The following TGIF1 variants were observed in gnomAD, a reference collection of about 807,000 sequenced individuals.
TGIF1 encodes the protein homeobox protein TGIF1.
In TGIF1, 4 loss-of-function variants were observed where a neutral mutation model predicts 19.3. That is an observed-to-expected ratio of 0.21 (90% CI 0.10 to 0.47). TGIF1 has a LOEUF of 0.47. Among genes scored for constraint, TGIF1 ranks in the 20% least tolerant of loss-of-function variants. The pLI, the probability that TGIF1 is intolerant of heterozygous loss-of-function variation, is 0.98. For missense variants in TGIF1, 275 were observed against 341.4 expected, an observed-to-expected ratio of 0.81 and a Z score of 1.53; for synonymous variants, 122 against 129.3, an observed-to-expected ratio of 0.94 and a Z score of 0.38.
chr18:3,413,166 C>T (rs2082291764), intron 1 of TGIF1: 1 of 152,208 alleles, frequency 6.6e-6, no homozygotes, highest in Non-Finnish European at 1.5e-5. Flanking sequence ...AAGAAATGCT[C>T]ATTGTCTCGC....
chr18:3,443,670 A>C (rs572483075), intron 2 of TGIF1, among the ~76,000 whole-genome samples: 1 of 151,712 alleles, frequency 6.6e-6, no homozygotes, highest in Admixed American at 6.6e-5. Context: ...CCCAGGTTCA[A>C]GTGAATTCTC....
intron 2 of TGIF1, among the ~76,000 whole-genome samples, chr18:3,438,080 G>A (rs191650409): frequency 3.0e-4 from 46 of 151,038 alleles, no homozygotes; most frequent in South Asian, 1.3e-3. Context: ...GCGAAAGTCC[G>A]TCTCAAAAAA....
At chr18:3,443,637 C>T (rs191092298) in intron 2 of TGIF1, among the ~76,000 whole-genome samples, 9 of 152,092 alleles carry the variant, frequency 5.9e-5, no homozygotes, top group Non-Finnish European at 1.0e-4. Context: ...AGTGCAATGG[C>T]GCAATCTCGG....
intron 2 of TGIF1, among the ~76,000 whole-genome samples, chr18:3,419,974 C>T (rs960779421): frequency 2.0e-5 from 3 of 151,294 alleles, no homozygotes; most frequent in African/African-American, 7.3e-5. Context: ...CCATTGCACT[C>T]CAACCTGGGT....
chr18:3,449,666 T>A (rs1241878889), upstream of TGIF1: 2 of 985,272 alleles, frequency 2.0e-6, no homozygotes, highest in Non-Finnish European at 2.4e-6. Flanking sequence ...AGTTGGTTCT[T>A]GTCTCGAATA....
chr18:3,456,255 G>A lies in TGIF1; in HGVS notation c.17-99G>A, dbSNP rs1598910329. 3.5e-6 allele frequency: 4 copies of A among 1,156,012 alleles called. No individual in the cohort carries two copies. The South Asian group carries it at 4.9e-5, about 14-fold the overall frequency. 71.6% of individuals were successfully genotyped at this position (1,156,012 alleles called of 1,614,324 possible). Reference sequence around the variant, plus strand: ...CTCCTTCTCCTCGCTCTCAGTTGTTGGGAAAGCATGGTTACATTGAATGGT... The same window carrying A: ...CTCCTTCTCCTCGCTCTCAGTTGTTAGGAAAGCATGGTTACATTGAATGGT... On this transcript the variant is annotated intron_variant, in intron 1 of 2. Coordinates refer to ENST00000343820, the MANE Select transcript of TGIF1 (RefSeq NM_003244.4). The surrounding 1 kb of genome is among the most constrained non-coding windows in gnomAD (Gnocchi z 4.2).
intron 1 of TGIF1, among the ~76,000 whole-genome samples, chr18:3,454,966 T>C (rs1474730764): frequency 6.6e-6 from 1 of 152,312 alleles, no homozygotes; most frequent in East Asian, 1.9e-4. Flanking sequence ...GGTGTTTAGC[T>C]TAAGAGGAAT....
chr18:3,427,195 CG>C (rs1232595519), intron 2 of TGIF1, among the ~76,000 whole-genome samples: 1 of 152,132 alleles, frequency 6.6e-6, no homozygotes, highest in Non-Finnish European at 1.5e-5. Context: ...CCACCCGCCT[CG>C]GCCTCTCAAA....
chr18:3,448,881 G>A (rs903863007), upstream of TGIF1, among the ~76,000 whole-genome samples: 6 of 151,970 alleles, frequency 3.9e-5, no homozygotes, highest in African/African-American at 1.5e-4. Context: ...CGAGGTTACC[G>A]AACAAAAACA....
chr18:3,449,721 CGTGCGGCTAGAGCAGGGCCAGTA>C (rs1568045233), upstream of TGIF1: 1 of 985,348 alleles, frequency 1.0e-6, no homozygotes, highest in South Asian at 4.7e-5. Context: ...GCGGCTGTCT[CGTGCGGCTAGAGCAGGGCCAGTA>C]GAGTTCGGGG....
At chr18:3,453,395 G>GA (rs2083051873) in intron 1 of TGIF1, among the ~76,000 whole-genome samples, 1 of 152,054 alleles carries the variant, frequency 6.6e-6, no homozygotes, top group South Asian at 2.1e-4. Context: ...ATTCAGAAAA[G>GA]AAAGTGCAGG....
At chr18:3,445,579 A>C (rs139967062), upstream of TGIF1, among the ~76,000 whole-genome samples, 4,152 of 150,610 alleles carry the variant, frequency 0.028, 163 homozygotes, top group African/African-American at 0.092. Context: ...AAAAAATTAG[A>C]CGGGCGTGGT....
chr18:3,434,044 A>C (rs1243366338), intron 2 of TGIF1, among the ~76,000 whole-genome samples: 1 of 152,168 alleles, frequency 6.6e-6, no homozygotes, highest in Non-Finnish European at 1.5e-5. Context: ...CTCCTTCCCT[A>C]CCAGAGATCT....
chr18:3,451,771 T>C lies in TGIF1; in HGVS notation c.16+1266T>C. Reference sequence around the variant, plus strand: ...GAAACTCGGATCAACTGGCAGTCGTTGTTGGTAGAACGCCCTAAGGACCCC... The same window carrying C: ...GAAACTCGGATCAACTGGCAGTCGTCGTTGGTAGAACGCCCTAAGGACCCC... On this transcript the variant is annotated intron_variant, in intron 1 of 2. Transcript: ENST00000343820. This position sits in a 1 kb window ranked among gnomAD's most constrained non-coding sequence, Gnocchi z 5.4. 1 of 1,255,214 alleles carries C rather than the reference T, an allele frequency of 8.0e-7. No homozygotes were observed. Among genetic ancestry groups the C allele is most frequent in the African/African-American group, 1.5e-5 (1 of 64,644 alleles). 77.8% of individuals were successfully genotyped at this position (1,255,214 alleles called of 1,614,324 possible). A position where few individuals can be genotyped will look rare whatever the true frequency, so the allele number is the denominator to read the frequency against.
intron 2 of TGIF1, among the ~76,000 whole-genome samples, chr18:3,419,432 T>G (rs987194184): frequency 3.9e-5 from 6 of 152,166 alleles, no homozygotes; most frequent in Admixed American, 6.5e-5. Context: ...CTGCAAACCA[T>G]ACACCACATA....
intron 2 of TGIF1, among the ~76,000 whole-genome samples, chr18:3,434,042 C>G (rs2143204468): frequency 6.6e-6 from 1 of 152,322 alleles, no homozygotes; most frequent in African/African-American, 2.4e-5. Context: ...GCCTCCTTCC[C>G]TACCAGAGAT....
chr18:3,451,653 G>C lies in TGIF1; in HGVS notation c.16+1148G>C, dbSNP rs2082939893. 1.2e-5 allele frequency: 14 copies of C among 1,143,174 alleles called. No individual in the cohort carries two copies. The South Asian group carries it at 4.6e-4, about 37-fold the overall frequency. 70.8% of individuals were successfully genotyped at this position (1,143,174 alleles called of 1,614,324 possible). A position where few individuals can be genotyped will look rare whatever the true frequency, so the allele number is the denominator to read the frequency against. ...CTGGGGGGTAGCCTCAAGGCCAGCG[G>C]GGTTCCTTCGGCTGCGTTTCTGTGG... On this transcript the variant is annotated intron_variant, in intron 1 of 2. Transcript: ENST00000343820. The surrounding 1 kb of genome is among the most constrained non-coding windows in gnomAD (Gnocchi z 5.4).
chr18:3,424,811 G>GA (rs1441964251), intron 2 of TGIF1, among the ~76,000 whole-genome samples: 2 of 152,188 alleles, frequency 1.3e-5, no homozygotes, highest in Admixed American at 6.5e-5. Flanking sequence ...TTAACCCTTG[G>GA]AGGTGCTGGG....
chr18:3,451,542 A>G lies in TGIF1; in HGVS notation c.16+1037A>G, dbSNP rs778037110. 2.4e-4 allele frequency: 205 copies of G among 837,162 alleles called. No homozygotes were observed. In the Middle Eastern group the frequency reaches 4.0e-3, roughly 16 times the overall value. 51.9% of individuals were successfully genotyped at this position (837,162 alleles called of 1,614,324 possible). On this transcript the variant is annotated intron_variant, in intron 1 of 2. Coordinates refer to ENST00000343820, the MANE Select transcript of TGIF1 (RefSeq NM_003244.4). This position sits in a 1 kb window ranked among gnomAD's most constrained non-coding sequence, Gnocchi z 5.4. ...GTTAATCACTCGGGAAGCGGACGGG[A>G]GGGGCGGCGCTACTGCGCATGCCCG...
Sources: gnomAD v4.1 joint callset for allele counts (sites outside exome capture counted in the v4.1 genomes callset) on GRCh38, gnomAD v4.1.1 for gene constraint, Gnocchi (gnomAD v3.1) non-coding constraint, MANE v1.5 for transcripts, NCBI Gene and HGNC (gene_info 2026-07-23, HGNC 2026-07-21) for gene names.